Variants in CAMK1D observed in about 807,000 individuals in gnomAD.
The protein encoded by CAMK1D is calcium/calmodulin dependent protein kinase ID.
CAMK1D carries 9 observed loss-of-function variants against 47.7 expected under a neutral mutation model. The observed-to-expected ratio is 0.19, with a 90% confidence interval of 0.11 to 0.33. CAMK1D has a LOEUF of 0.33. Among genes scored for constraint, CAMK1D ranks in the 10% least tolerant of loss-of-function variants. CAMK1D has a pLI of 1.00. For missense variants in CAMK1D, 291 were observed against 488.7 expected (o/e 0.60, Z 3.81); for synonymous variants, 184 against 184.9 (o/e 0.99, Z 0.04).
Position 12,460,577 on chromosome 10 carries a change from C to T in CAMK1D, c.93-92648C>T, listed in dbSNP as rs978367241. On this transcript the variant is annotated intron_variant, in intron 1 of 10. Coordinates refer to ENST00000619168, the MANE Select transcript of CAMK1D (RefSeq NM_153498.4). Reference sequence around the variant, plus strand: ...CCTCCTGAGTAGCTGGGACTACAGGCGCCTGCCACCACACCTGGCTATTTG... The same window carrying T: ...CCTCCTGAGTAGCTGGGACTACAGGTGCCTGCCACCACACCTGGCTATTTG... Among the ~76,000 whole-genome samples, 8 of 152,082 alleles carry T rather than the reference C, an allele frequency of 5.3e-5. No homozygotes were observed. In the South Asian group the frequency reaches 6.2e-4, roughly 12 times the overall value.
chr10:12,800,444 A>T (rs2482029), intron 6 of CAMK1D, among the ~76,000 whole-genome samples: 73,039 of 152,108 alleles, frequency 0.48, 19,342 homozygotes, highest in African/African-American at 0.7. Flanking sequence ...CAATAAACAT[A>T]TGTTAAATAC....
Position 12,787,101 on chromosome 10 carries a change from C to T in CAMK1D, c.566-4057C>T, listed in dbSNP as rs1048231757. On this transcript the variant is annotated intron_variant, in intron 5 of 10. Coordinates refer to ENST00000619168, the MANE Select transcript of CAMK1D (RefSeq NM_153498.4). ...TCGTGCCACTGCACTCCAGCCTGGG[C>T]GACAGAATGAGATTCCTTCTCAAAG... 1.1e-4 allele frequency among the ~76,000 whole-genome samples: 17 copies of T among 150,956 alleles called. No homozygotes were observed. The East Asian group carries it at 1.2e-3, about 10-fold the overall frequency.
chr10:12,424,969 T>G (rs1054516784), intron 1 of CAMK1D, among the ~76,000 whole-genome samples: 5 of 152,248 alleles, frequency 3.3e-5, no homozygotes, highest in African/African-American at 1.2e-4. Context: ...TGTGTCACTC[T>G]TAAACACTTC....
intron 1 of CAMK1D, among the ~76,000 whole-genome samples, chr10:12,532,480 C>T (rs961121586): frequency 6.6e-5 from 10 of 152,110 alleles, no homozygotes; most frequent in Non-Finnish European, 4.4e-5. Flanking sequence ...GGGGTTTCAC[C>T]GTTTTAGCCG....
At chr10:12,466,098 T>C (rs1319825514) in intron 1 of CAMK1D, among the ~76,000 whole-genome samples, 17 of 151,600 alleles carry the variant, frequency 1.1e-4, no homozygotes. Context: ...AAGGAAGATC[T>C]CTTTAGGCCA....
chr10:12,558,124 G>C (rs1317302688), intron 2 of CAMK1D, among the ~76,000 whole-genome samples: 1 of 152,214 alleles, frequency 6.6e-6, no homozygotes, highest in Non-Finnish European at 1.5e-5. Flanking sequence ...AGATAGAACA[G>C]TTAGTTGTGA....
chr10:12,512,991 G>A (rs1335932756), intron 1 of CAMK1D, among the ~76,000 whole-genome samples: 5 of 152,180 alleles, frequency 3.3e-5, no homozygotes, highest in African/African-American at 1.2e-4. Flanking sequence ...GGAACACAGT[G>A]GGGATGGTGT....
chr10:12,800,172 C>T (rs2131029084), intron 6 of CAMK1D, among the ~76,000 whole-genome samples: 1 of 152,304 alleles, frequency 6.6e-6, no homozygotes, highest in African/African-American at 2.4e-5. Context: ...TCTGGAAACG[C>T]ACACAATCAA....
Position 12,392,379 on chromosome 10 carries a change from C to G in CAMK1D, c.92+42469C>G, listed in dbSNP as rs558962274. Among the ~76,000 whole-genome samples the G allele has an allele frequency of 2.0e-5, 3 of 152,196 alleles. No individual in the cohort carries two copies. In the East Asian group the frequency reaches 5.8e-4, roughly 29 times the overall value. ...CACAACTCCTCCTTCCCTCTCCCCC[C>G]AGCCCCTGACACCTACCATTCTACT... On this transcript the variant is annotated intron_variant, in intron 1 of 10. Transcript: ENST00000619168.
rs147253239 is a variant in CAMK1D at position 12,622,531 on chromosome 10, C to CGT, written c.225-44190_225-44189dup. 4.7e-3 allele frequency among the ~76,000 whole-genome samples: 711 copies of CGT among 149,802 alleles called. 15 individuals are homozygous for CGT. Among genetic ancestry groups the CGT allele is most frequent in the Admixed American group, 0.033 (505 of 15,082 alleles). ...ATGTTACATTTGGGATGTGTGTGTACGTGTGTGTGTGTGTGTAATGTCCAG... is the reference window on the plus strand; with the variant it reads ...ATGTTACATTTGGGATGTGTGTGTACGTGTGTGTGTGTGTGTGTAATGTCCAG... On this transcript the variant is annotated intron_variant, in intron 2 of 10. Transcript: ENST00000619168.
intron 3 of CAMK1D, among the ~76,000 whole-genome samples, chr10:12,755,469 C>A (rs980432063): frequency 2.6e-5 from 4 of 152,202 alleles, no homozygotes; most frequent in African/African-American, 9.7e-5. Context: ...CATACGTGTG[C>A]ATGTGTCTTT....
chr10:12,618,186 C>T (rs151336510), intron 2 of CAMK1D, among the ~76,000 whole-genome samples: 1 of 152,174 alleles, frequency 6.6e-6, no homozygotes, highest in African/African-American at 2.4e-5. Flanking sequence ...ATTCCTGCCT[C>T]CATAGATATC....
intron 3 of CAMK1D, among the ~76,000 whole-genome samples, 184 bp from the exon 4 acceptor site, chr10:12,760,764 C>T (rs1001934758): frequency 6.6e-6 from 1 of 152,100 alleles, no homozygotes; most frequent in South Asian, 2.1e-4. Context: ...TGGTTCCAGA[C>T]ATTTGCTCTG....
chr10:12,818,675 A>G (rs943109702), intron 8 of CAMK1D, among the ~76,000 whole-genome samples: 3 of 152,016 alleles, frequency 2.0e-5, no homozygotes, highest in Non-Finnish European at 4.4e-5. Flanking sequence ...TGTCCCAAAA[A>G]AAAAAAAAAT....
In CAMK1D at chr10:12,658,739, G is replaced by A. The variant is rs572005492; in HGVS notation, c.225-7997G>A. On this transcript the variant is annotated intron_variant, in intron 2 of 10. Coordinates refer to ENST00000619168, the MANE Select transcript of CAMK1D (RefSeq NM_153498.4). The stretch of plus-strand genomic sequence containing the variant: ...TGGAGTTTGGCTGGGGCAGTTGGAG[G>A]AGAGCCCAGCCGCTGGGCAGCATGA... Among the ~76,000 whole-genome samples, 364 of 152,184 alleles carry A rather than the reference G, an allele frequency of 2.4e-3. 1 individual carries two copies. Among genetic ancestry groups the A allele is most frequent in the Non-Finnish European group, 4.2e-3 (285 of 68,004 alleles).
At chr10:12,478,218 C>T (rs1833960043) in intron 1 of CAMK1D, among the ~76,000 whole-genome samples, 1 of 151,868 alleles carries the variant, frequency 6.6e-6, no homozygotes, top group Non-Finnish European at 1.5e-5. Context: ...CCGTGTTAGC[C>T]AGGATGGTCT....
At chr10:12,731,277 G>C (rs972475188) in intron 3 of CAMK1D, among the ~76,000 whole-genome samples, 2 of 152,188 alleles carry the variant, frequency 1.3e-5, no homozygotes, top group Non-Finnish European at 2.9e-5. Context: ...AGAATGTGGA[G>C]TAACTTGGTG....
At chr10:12,776,944 C>G (rs1225674690) in intron 5 of CAMK1D, among the ~76,000 whole-genome samples, 1 of 152,160 alleles carries the variant, frequency 6.6e-6, no homozygotes, top group Non-Finnish European at 1.5e-5. Context: ...TCAGGCAGCT[C>G]AAGTATTTGG....
At chr10:12,683,633 A>C (rs1207085335) in intron 3 of CAMK1D, among the ~76,000 whole-genome samples, 1 of 151,896 alleles carries the variant, frequency 6.6e-6, no homozygotes, top group Admixed American at 6.6e-5. Context: ...CTTCTTGAAA[A>C]CAGGATCATT....
Sources: allele counts gnomAD v4.1 joint callset (sites outside exome capture counted in the v4.1 genomes callset), GRCh38; gene constraint gnomAD v4.1.1; transcripts MANE v1.5; gene names NCBI Gene and HGNC (gene_info 2026-07-23, HGNC 2026-07-21).